METTL25: variants seen among roughly 807,000 people sequenced by gnomAD.
METTL25 encodes methyltransferase like 25, also known as probable methyltransferase-like protein 25.
A neutral mutation model predicts 71.6 loss-of-function variants in METTL25; 64 were observed. That is an observed-to-expected ratio of 0.89 (90% confidence interval 0.73 to 1.10). The LOEUF (loss-of-function observed/expected upper bound fraction) is 1.10. Among genes scored for constraint, METTL25 ranks in the 50% least tolerant of loss-of-function variants. The pLI is 0.00. For synonymous variants in METTL25, 287 were observed against 250.3 expected, an observed-to-expected ratio of 1.15 and a Z score of -1.38; for missense variants, 807 against 707.0, an observed-to-expected ratio of 1.14 and a Z score of -1.60.
At chr12:82,364,536 A>G (rs1282586452) in intron 1 of METTL25, among the ~76,000 whole-genome samples, 3 of 152,252 alleles carry the variant, frequency 2.0e-5, no homozygotes, top group Non-Finnish European at 4.4e-5. Context: ...ACTGTGGCCT[A>G]CATGTTAGTT....
intron 8 of METTL25, among the ~76,000 whole-genome samples, chr12:82,453,231 C>T (rs1464811308): frequency 6.6e-6 from 1 of 152,094 alleles, no homozygotes; most frequent in Non-Finnish European, 1.5e-5. Flanking sequence ...CACTAAAACA[C>T]TAAAATTCTG....
chr12:82,370,700 TTCTA>T (rs144846147), intron 1 of METTL25, among the ~76,000 whole-genome samples: 128,598 of 151,656 alleles, frequency 0.85, 54,897 homozygotes, highest in East Asian at 1. Flanking sequence ...TCTTTACTAT[TTCTA>T]TCTTTTTCTC....
At chr12:82,393,387 TTGTAAA>T (rs1429130154) in intron 3 of METTL25, among the ~76,000 whole-genome samples, 6 of 152,070 alleles carry the variant, frequency 3.9e-5, no homozygotes, top group Non-Finnish European at 7.4e-5. Flanking sequence ...TTTGTAGCTA[TTGTAAA>T]TGAGATTACT....
At chr12:82,400,494 T>C (rs999089005) in intron 4 of METTL25, among the ~76,000 whole-genome samples, 3 of 152,160 alleles carry the variant, frequency 2.0e-5, no homozygotes, top group South Asian at 2.1e-4. Context: ...GGGAATCTAG[T>C]GTACCTTCAT....
chr12:82,377,205 A>T (rs1452695232), intron 1 of METTL25, among the ~76,000 whole-genome samples: 3 of 152,024 alleles, frequency 2.0e-5, no homozygotes, highest in South Asian at 2.1e-4. Context: ...ATATGAATTT[A>T]AAAAAAATTT....
At chr12:82,421,727 C>T (rs1209600148) in intron 5 of METTL25, among the ~76,000 whole-genome samples, 1 of 152,114 alleles carries the variant, frequency 6.6e-6, no homozygotes, top group Non-Finnish European at 1.5e-5. Context: ...CACCACCGAT[C>T]CCACAGAAAT....
intron 1 of METTL25, chr12:82,359,064 CAG>C (rs1395368771): frequency 1.7e-6 from 1 of 594,144 alleles, no homozygotes; most frequent in Non-Finnish European, 3.0e-6. Flanking sequence ...AAGCAGGAAA[CAG>C]GGCAGGGGAG....
At chr12:82,435,278 T>C (rs1889834063) in intron 7 of METTL25, among the ~76,000 whole-genome samples, 2 of 151,544 alleles carry the variant, frequency 1.3e-5, no homozygotes, top group South Asian at 4.1e-4. Context: ...GACCCTTTCA[T>C]AAAATTTTTA....
intron 1 of METTL25, among the ~76,000 whole-genome samples, chr12:82,375,540 A>G (rs1172985284): frequency 6.6e-6 from 1 of 152,228 alleles, no homozygotes; most frequent in African/African-American, 2.4e-5. Flanking sequence ...GAGGTCTTCC[A>G]TGTAGAGATA....
At chr12:82,404,965 T>C (rs1479046615) in intron 5 of METTL25, among the ~76,000 whole-genome samples, 1 of 148,940 alleles carries the variant, frequency 6.7e-6, no homozygotes, top group Non-Finnish European at 1.5e-5. Flanking sequence ...AAAAAAAAAT[T>C]AGAGTCACTA....
chr12:82,472,597 C>T (rs576753714), intron 9 of METTL25, among the ~76,000 whole-genome samples: 5 of 151,910 alleles, frequency 3.3e-5, no homozygotes, highest in South Asian at 2.1e-4. Flanking sequence ...GACTCCGTCT[C>T]GAAAAAAAAT....
chr12:82,391,991 G>A (rs1885631947), intron 3 of METTL25, among the ~76,000 whole-genome samples: 1 of 151,128 alleles, frequency 6.6e-6, no homozygotes, highest in Admixed American at 6.6e-5. Flanking sequence ...AGTGATATTG[G>A]ACATTTTTTC....
chr12:82,435,899 A>G (rs1228282508), intron 7 of METTL25, among the ~76,000 whole-genome samples: 1 of 151,442 alleles, frequency 6.6e-6, no homozygotes, highest in Non-Finnish European at 1.5e-5. Context: ...CTTCTCATCA[A>G]TTGAGATAAT....
intron 8 of METTL25, among the ~76,000 whole-genome samples, chr12:82,449,645 A>G (rs558164991): frequency 6.6e-6 from 1 of 152,044 alleles, no homozygotes; most frequent in Non-Finnish European, 1.5e-5. Context: ...CTCCTGTAAT[A>G]CTTAAGCTGT....
At chr12:82,384,358 G>T (rs368090644) in intron 1 of METTL25, among the ~76,000 whole-genome samples, 1 of 150,416 alleles carries the variant, frequency 6.6e-6, no homozygotes, top group African/African-American at 2.4e-5. Flanking sequence ...ATGGAATGAA[G>T]ACTAGATCAT....
chr12:82,449,847 C>CT (rs1891016316), intron 8 of METTL25, among the ~76,000 whole-genome samples: 1 of 151,930 alleles, frequency 6.6e-6, no homozygotes, highest in Admixed American at 6.6e-5. Flanking sequence ...TATGTTGGTT[C>CT]TTTCCTTTAT....
chr12:82,451,488 G>A (rs1045983460), intron 8 of METTL25, among the ~76,000 whole-genome samples: 6 of 152,054 alleles, frequency 3.9e-5, no homozygotes, highest in African/African-American at 1.4e-4. Flanking sequence ...TGAAAATGAA[G>A]CTAAAATCTA....
chr12:82,435,297 C>T (rs1277122015), intron 7 of METTL25, among the ~76,000 whole-genome samples: 1 of 150,902 alleles, frequency 6.6e-6, no homozygotes, highest in Non-Finnish European at 1.5e-5. Flanking sequence ...TAAATTTAAC[C>T]TAAAGTTTAG....
rs573308027 is a variant in METTL25 at position 82,375,265 on chromosome 12, C to G, written c.260-11538C>G. ...AGGTGATTGAGTCATGAGGGTGGAG[C>G]ACTCATGAATGAGATTAGTGCCCGT... On this transcript the variant is annotated intron_variant, in intron 1 of 11. Transcript: ENST00000248306. 3.9e-5 allele frequency among the ~76,000 whole-genome samples: 6 copies of G among 152,086 alleles called. No homozygotes were observed. In the East Asian group the frequency reaches 1.2e-3, roughly 29 times the overall value.
Sources: allele counts gnomAD v4.1 joint callset (sites outside exome capture counted in the v4.1 genomes callset), GRCh38; gene constraint gnomAD v4.1.1; transcripts MANE v1.5; gene names NCBI Gene and HGNC (gene_info 2026-07-23, HGNC 2026-07-21).